ZNF85: variants seen among roughly 807,000 people sequenced by gnomAD.
ZNF85 encodes the protein zinc finger protein 85, also known as zinc finger protein 85 (HPF4, HTF1).
Under a neutral mutation model 53.9 loss-of-function variants are expected in ZNF85, and 50 were observed. The ratio of observed to expected loss-of-function variants is 0.93; its 90% CI spans 0.74 to 1.17. The LOEUF (loss-of-function observed/expected upper bound fraction) is 1.17. Ranked by LOEUF, ZNF85 falls within the 50% of genes most tolerant of loss-of-function variation. The probability of loss-of-function intolerance (pLI) is 0.00; values close to 1 mark genes in which losing one functional copy is unlikely to be tolerated. For synonymous variants in ZNF85, 225 were observed against 226.1 expected (o/e 1.00, Z 0.04); for missense variants, 747 against 688.5 (o/e 1.08, Z -0.95).
intron 3 of ZNF85, among the ~76,000 whole-genome samples, chr19:20,940,980 C>T (rs1261860776): frequency 2.0e-5 from 3 of 152,222 alleles, no homozygotes; most frequent in South Asian, 4.1e-4. Flanking sequence ...ATATGTCTCC[C>T]AGGTTCTGTG....
At position 20,926,363 on chromosome 19, in the gene ZNF85, A is replaced by T. The variant is rs188668755; in HGVS notation, c.3+2960A>T. On this transcript the variant is annotated intron_variant, in intron 1 of 3. Coordinates refer to ENST00000328178, the MANE Select transcript of ZNF85 (RefSeq NM_003429.5). ...TTGTTTACTACATGATTTTTTATAG[A>T]AATAATAAAATAATACATTTATTGT... Among the ~76,000 whole-genome samples the T allele has an allele frequency of 1.7e-3, 262 of 152,254 alleles. 2 individuals are homozygous for T. The highest frequency in any genetic ancestry group is 5.8e-3 in the African/African-American group (243 of 41,554).
intron 1 of ZNF85, chr19:20,927,799 C>T (rs921480429): frequency 6.6e-6 from 1 of 152,582 alleles, no homozygotes; most frequent in Admixed American, 6.5e-5. Context: ...AGAAGAATCG[C>T]TTGAACCGGC....
chr19:20,943,614 T>A (rs926312048), intron 3 of ZNF85: 1 of 152,226 alleles, frequency 6.6e-6, no homozygotes, highest in South Asian at 2.1e-4. Flanking sequence ...AATAATATAT[T>A]CTGTAACGTT....
chr19:20,945,622 T>C (rs1452742134), intron 3 of ZNF85: 2 of 152,362 alleles, frequency 1.3e-5, no homozygotes, highest in African/African-American at 2.4e-5. Context: ...GTAGCTGAGA[T>C]TACAGGCATG....
At chr19:20,930,794 C>A (rs1399623236) in intron 1 of ZNF85, among the ~76,000 whole-genome samples, 1 of 152,044 alleles carries the variant, frequency 6.6e-6, no homozygotes, top group African/African-American at 2.4e-5. Flanking sequence ...TATTTAGAGA[C>A]AGAGTTTCGC....
At chr19:20,945,313 A>G (rs1236419321) in intron 3 of ZNF85, among the ~76,000 whole-genome samples, 1 of 152,180 alleles carries the variant, frequency 6.6e-6, no homozygotes, top group East Asian at 1.9e-4. Flanking sequence ...CTTTCCAAAC[A>G]CCACTCTGTT....
Position 20,949,961 on chromosome 19 carries a change from A to C in ZNF85, c.1447A>C (p.Lys483Gln), listed in dbSNP as rs767549547. 1 of 1,611,160 alleles carries C rather than the reference A, an allele frequency of 6.2e-7. No individual in the cohort carries two copies. Among genetic ancestry groups the C allele is most frequent in the African/African-American group, 1.3e-5 (1 of 74,822 alleles). The change falls in exon 4 of 4, where the codon AAA becomes CAA. Residue 483 changes from lysine to glutamine, a missense_variant. By Grantham distance (53) the Lys-to-Gln change is moderately conservative. Coordinates refer to ENST00000328178, the MANE Select transcript of ZNF85 (RefSeq NM_003429.5). Reference protein sequence around the residue: ...KKSHTEEKPYKCEECGKGFKW... With the variant: ...KKSHTEEKPYQCEECGKGFKW... ...AAGTCATACAGAAGAGAAACCTTAC[A>C]AATGTGAAGAATGTGGCAAAGGTTT... is the stretch of plus-strand genomic sequence containing the variant.
In ZNF85 at chr19:20,923,594, T is replaced by C. The variant is rs564763475; in HGVS notation, c.3+191T>C. Among the ~76,000 whole-genome samples, 275 of 152,290 alleles carry C rather than the reference T, an allele frequency of 1.8e-3. 1 individual carries two copies. Among genetic ancestry groups the C allele is most frequent in the Non-Finnish European group, 2.2e-3 (151 of 68,016 alleles). On this transcript the variant is annotated intron_variant, in intron 1 of 3. Transcript: ENST00000328178. ...GCGCTGACAGCCGGCCCGGGCGTCC[T>C]GTCTCTTCCCTGCGCAGTGACTGTG... is the stretch of plus-strand genomic sequence containing the variant.
intron 3 of ZNF85, chr19:20,942,657 G>A: frequency 1.8e-6 from 1 of 555,116 alleles, no homozygotes; most frequent in Non-Finnish European, 3.2e-6. Context: ...GTTGAAGGGT[G>A]TGTTTTATTT....
At chr19:20,935,706 G>C (rs1973142352) in intron 3 of ZNF85, among the ~76,000 whole-genome samples, 1 of 151,302 alleles carries the variant, frequency 6.6e-6, no homozygotes. Flanking sequence ...GGAGTGCAAT[G>C]GTGTGATCTC....
At chr19:20,948,329 G>C (rs1282820086) in intron 3 of ZNF85, among the ~76,000 whole-genome samples, 2 of 152,044 alleles carry the variant, frequency 1.3e-5, no homozygotes, top group Non-Finnish European at 2.9e-5. Flanking sequence ...ACAGAAACCA[G>C]TGTCTGGAAA....
rs553716115 is a variant in ZNF85 at position 20,934,296 on chromosome 19, T to G, written c.130+146T>G. The G allele has an allele frequency of 3.2e-5, 37 of 1,150,038 alleles. No individual in the cohort carries two copies. The South Asian group carries it at 5.5e-4, about 17-fold the overall frequency. 71.2% of individuals were successfully genotyped at this position (1,150,038 alleles called of 1,614,324 possible). A position where few individuals can be genotyped will look rare whatever the true frequency, so the allele number is the denominator to read the frequency against. On this transcript the variant is annotated intron_variant, in intron 2 of 3. Transcript: ENST00000328178. ...AGAAAATCTTGGGGATTAATACATG[T>G]AGAAAAGAATTTCTGCAAGATGTTT...
At chr19:20,935,259 C>T (rs373240124) in intron 3 of ZNF85, among the ~76,000 whole-genome samples, 100 of 152,270 alleles carry the variant, frequency 6.6e-4, no homozygotes, top group African/African-American at 2.3e-3. Flanking sequence ...ACTTTTCCTT[C>T]GGTGATCTTC....
At chr19:20,935,386 T>C (rs1279334445) in intron 3 of ZNF85, among the ~76,000 whole-genome samples, 1 of 152,210 alleles carries the variant, frequency 6.6e-6, no homozygotes, top group African/African-American at 2.4e-5. Flanking sequence ...AAAAAGTCTA[T>C]GTTAAGCAAT....
chr19:20,946,750 C>CT (rs1430705424), intron 3 of ZNF85, among the ~76,000 whole-genome samples: 2 of 151,730 alleles, frequency 1.3e-5, no homozygotes, highest in Non-Finnish European at 2.9e-5. Flanking sequence ...ATTACTTAGA[C>CT]CTCTTCTGCT....
At chr19:20,939,043 CTATT>C in intron 3 of ZNF85, among the ~76,000 whole-genome samples, 1 of 152,200 alleles carries the variant, frequency 6.6e-6, no homozygotes, top group East Asian at 1.9e-4. Context: ...TTACAATATT[CTATT>C]TATGCTTATA....
chr19:20,933,192 CAAAAAAA>C lies in ZNF85; in HGVS notation c.4-818_4-812del, dbSNP rs10532648. Among the ~76,000 whole-genome samples the C allele has an allele frequency of 5.5e-5, 6 of 108,748 alleles. 1 individual carries two copies. Among genetic ancestry groups the C allele is most frequent in the African/African-American group, 1.4e-4 (4 of 27,622 alleles). 71.3% of individuals were successfully genotyped at this position (108,748 alleles called of 152,430 possible). A position where few individuals can be genotyped will look rare whatever the true frequency, so the allele number is the denominator to read the frequency against. On this transcript the variant is annotated intron_variant, in intron 1 of 3. Coordinates refer to ENST00000328178, the MANE Select transcript of ZNF85 (RefSeq NM_003429.5). ...TGGGCAGCAGAGCGAGACTCCGTCT[CAAAAAAA>C]AAAAAAAAAAAAATTTGTCCTAGTG...
At chr19:20,944,048 AT>A (rs757585062) in intron 3 of ZNF85, 1 of 292,684 alleles carries the variant, frequency 3.4e-6, no homozygotes, top group Non-Finnish European at 5.1e-6. Context: ...TTGTGTATCT[AT>A]TAACAGATTT....
At chr19:20,937,451 G>C (rs893983255) in intron 3 of ZNF85, 5 of 433,994 alleles carry the variant, frequency 1.2e-5, no homozygotes, top group Non-Finnish European at 2.3e-5. Context: ...AAGGCTGCTG[G>C]GTCTGCACTA....
Sources: gnomAD v4.1 joint callset for allele counts (sites outside exome capture counted in the v4.1 genomes callset) on GRCh38, gnomAD v4.1.1 for gene constraint, MANE v1.5 for transcripts, NCBI Gene and HGNC (gene_info 2026-07-23, HGNC 2026-07-21) for gene names.